RIPK1: variants seen among roughly 807,000 people sequenced by gnomAD.
RIPK1 encodes receptor-interacting serine/threonine-protein kinase 1.
RIPK1 carries 27 observed loss-of-function variants against 62.4 expected under a neutral mutation model. That is an observed-to-expected ratio of 0.43 (90% CI 0.32 to 0.60). The LOEUF (loss-of-function observed/expected upper bound fraction) is 0.60. Ranked by LOEUF, RIPK1 falls within the 20% of genes least tolerant of loss-of-function variation. RIPK1 has a pLI of 0.07. For missense variants in RIPK1, 735 were observed against 831.0 expected, an observed-to-expected ratio of 0.88 and a Z score of 1.42; for synonymous variants, 287 against 303.2, an observed-to-expected ratio of 0.95 and a Z score of 0.55.
chr6:3,101,981 TTC>T (rs1426389147), intron 7 of RIPK1, among the ~76,000 whole-genome samples: 3 of 152,196 alleles, frequency 2.0e-5, no homozygotes, highest in Non-Finnish European at 4.4e-5. Flanking sequence ...GTAGCTTCTA[TTC>T]TGTTTTCTGT....
At chr6:3,073,131 T>C (rs58608579) in intron 1 of RIPK1, among the ~76,000 whole-genome samples, 25,279 of 151,878 alleles carry the variant, frequency 0.17, 2,241 homozygotes, top group East Asian at 0.29. Flanking sequence ...CATATACAAA[T>C]ATATACATAT....
At position 3,114,471 on chromosome 6, in the gene RIPK1, G is replaced by T. The variant is rs1170086575; in HGVS notation, c.*1132G>T. 6.6e-6 allele frequency: 1 copy of T among 152,078 alleles called. No homozygotes were observed. Among genetic ancestry groups the T allele is most frequent in the Non-Finnish European group, 1.5e-5 (1 of 68,054 alleles). The allele number at this position is 152,078 out of a possible 1,614,324, so 9.4% of individuals were successfully genotyped here. On this transcript the variant is annotated 3_prime_UTR_variant, in exon 11 of 11. Transcript: ENST00000259808. This position sits in a 1 kb window ranked among gnomAD's most constrained non-coding sequence, Gnocchi z 5.0. The stretch of plus-strand genomic sequence containing the variant: ...GAACTAGAATAGAAGACTGAAGCTG[G>T]GTAGGCCGCTCAGTGTCCACTGGCA...
intron 4 of RIPK1, among the ~76,000 whole-genome samples, chr6:3,082,733 G>T (rs1047572563): frequency 6.6e-6 from 1 of 152,180 alleles, no homozygotes; most frequent in Non-Finnish European, 1.5e-5. Flanking sequence ...CCAAGCCCTA[G>T]AAATAGTTGA....
upstream of RIPK1, chr6:3,068,490 G>A (rs1374160503): frequency 1.0e-6 from 1 of 985,306 alleles, no homozygotes; most frequent in Non-Finnish European, 1.2e-6. Flanking sequence ...GAGGCAGCGC[G>A]AACAGTCCAC....
intron 3 of RIPK1, among the ~76,000 whole-genome samples, chr6:3,079,521 C>A (rs148786578): frequency 2.6e-5 from 4 of 152,308 alleles, no homozygotes; most frequent in East Asian, 3.9e-4. Flanking sequence ...GTGTTCTAGG[C>A]AGAGAGAATA....
intron 9 of RIPK1, among the ~76,000 whole-genome samples, 156 bp from the exon 10 acceptor site, chr6:3,110,647 G>A (rs1761108854): frequency 6.6e-6 from 1 of 151,870 alleles, no homozygotes; most frequent in Admixed American, 6.6e-5. Context: ...ATGGGTATGA[G>A]GTGGTTTAGC....
Position 3,113,451 on chromosome 6 carries a change from T to C in RIPK1, c.*112T>C. On this transcript the variant is annotated 3_prime_UTR_variant, in exon 11 of 11. Transcript: ENST00000259808. The surrounding 1 kb of genome is among the most constrained non-coding windows in gnomAD (Gnocchi z 5.0). ...TGTCCTCACTGATAGGGGTTCTGTG[T>C]CTGCAGAAATTTTGTTTCCTGTACT... 9.6e-7 allele frequency: 1 copy of C among 1,036,916 alleles called. No homozygotes were observed. The highest frequency in any genetic ancestry group is 1.4e-6 in the Non-Finnish European group (1 of 727,836). The allele number at this position is 1,036,916 out of a possible 1,614,324, so 64.2% of individuals were successfully genotyped here. A position where few individuals can be genotyped will look rare whatever the true frequency, so the allele number is the denominator to read the frequency against.
chr6:3,109,766 C>G (rs1056822449), intron 9 of RIPK1, among the ~76,000 whole-genome samples: 1 of 152,204 alleles, frequency 6.6e-6, no homozygotes, highest in Non-Finnish European at 1.5e-5. Flanking sequence ...AACTAAAACT[C>G]TGTATCCATT....
chr6:3,100,327 G>A (rs1760527956), intron 7 of RIPK1, among the ~76,000 whole-genome samples: 4 of 152,038 alleles, frequency 2.6e-5, no homozygotes, highest in African/African-American at 9.7e-5. Flanking sequence ...AGGAGGCTGA[G>A]GCATGAGAAT....
rs145318017 is a variant in RIPK1, at chr6:3,071,958, C to T, written c.-61+3297C>T. On this transcript the variant is annotated intron_variant, in intron 1 of 10. Coordinates refer to ENST00000259808, the MANE Select transcript of RIPK1 (RefSeq NM_001354930.2). ...CATTTTTCAGGGCATGTTGTAGTTC[C>T]TGCCTGTTTCTTTACTGTCTGTGAC... 2.3e-3 allele frequency among the ~76,000 whole-genome samples: 354 copies of T among 152,346 alleles called. 2 individuals carry two copies. The highest frequency in any genetic ancestry group is 8.2e-3 in the African/African-American group (342 of 41,586).
In RIPK1 at chr6:3,113,001, AAT is replaced by A. The variant is rs1031312251; in HGVS notation, c.1730-51_1730-50del. ...GTTTTTTAGCAATTCAGGAAGCTGG[AAT>A]GTTTGAATGGGTTTTAGCTTGATAC... is the stretch of plus-strand genomic sequence containing the variant. On this transcript the variant is annotated intron_variant, in intron 10 of 10. Coordinates refer to ENST00000259808, the MANE Select transcript of RIPK1 (RefSeq NM_001354930.2). This position sits in a 1 kb window ranked among gnomAD's most constrained non-coding sequence, Gnocchi z 5.0. 1 of 1,443,126 alleles carries A rather than the reference AAT, an allele frequency of 6.9e-7. No individual in the cohort carries two copies. Among genetic ancestry groups the A allele is most frequent in the African/African-American group, 1.4e-5 (1 of 70,158 alleles). The allele number at this position is 1,443,126 out of a possible 1,614,324, so 89.4% of individuals were successfully genotyped here. A position where few individuals can be genotyped will look rare whatever the true frequency, so the allele number is the denominator to read the frequency against.
chr6:3,094,188 C>T (rs1760158618), intron 7 of RIPK1, among the ~76,000 whole-genome samples: 1 of 139,458 alleles, frequency 7.2e-6, no homozygotes, highest in South Asian at 2.1e-4. Context: ...ACCTGCTGCA[C>T]CTAGTAACTG....
chr6:3,112,775 G>A (rs1252394545), intron 10 of RIPK1, among the ~76,000 whole-genome samples: 2 of 152,168 alleles, frequency 1.3e-5, no homozygotes, highest in Non-Finnish European at 2.9e-5. Context: ...CCGGGTTCAA[G>A]TGATCCTCCT....
chr6:3,073,120 G>A (rs533798274), intron 1 of RIPK1, among the ~76,000 whole-genome samples: 35 of 151,816 alleles, frequency 2.3e-4, no homozygotes, highest in South Asian at 6.2e-4. Context: ...ACATATATAC[G>A]CATATACAAA....
rs554761991 is a variant in RIPK1, at chr6:3,095,963, G to GCC, written c.915+6310_915+6311dup. 1.8e-3 allele frequency among the ~76,000 whole-genome samples: 271 copies of GCC among 150,922 alleles called. 1 individual carries two copies. Among genetic ancestry groups the GCC allele is most frequent in the African/African-American group, 6.4e-3 (261 of 40,624 alleles). ...AGGCCGAAGCAATCCTCTCACCTCA[G>GCC]CCCCCTGAGGGACCACAGGCATGCA... On this transcript the variant is annotated intron_variant, in intron 7 of 10. Transcript: ENST00000259808.
intron 7 of RIPK1, among the ~76,000 whole-genome samples, chr6:3,102,355 GT>G (rs1760622345): frequency 1.3e-5 from 2 of 152,132 alleles, no homozygotes; most frequent in South Asian, 4.1e-4. Context: ...CAGGCTATGT[GT>G]ATAAGGTGCA....
At chr6:3,084,412 T>C (rs1305190063) in intron 5 of RIPK1, among the ~76,000 whole-genome samples, 1 of 152,120 alleles carries the variant, frequency 6.6e-6, no homozygotes, top group Non-Finnish European at 1.5e-5. Flanking sequence ...CACTGAGGAA[T>C]TTGTGGGATG....
chr6:3,078,005 G>T, intron 3 of RIPK1, 70 bp downstream of exon 3: 2 of 1,508,418 alleles, frequency 1.3e-6, no homozygotes, highest in Non-Finnish European at 1.8e-6. Context: ...GCTCCCCTTG[G>T]GGTGTTTGTT....
intron 7 of RIPK1, among the ~76,000 whole-genome samples, chr6:3,103,901 T>G (rs11969784): frequency 0.043 from 6,611 of 152,244 alleles, 477 homozygotes; most frequent in African/African-American, 0.15. Context: ...CAAAAATCAA[T>G]TGGCCATTTA....
Sources: allele counts gnomAD v4.1 joint callset (sites outside exome capture counted in the v4.1 genomes callset), GRCh38; gene constraint gnomAD v4.1.1; non-coding constraint Gnocchi (gnomAD v3.1); transcripts MANE v1.5; gene names NCBI Gene and HGNC (gene_info 2026-07-23, HGNC 2026-07-21).